CTNNA3: variants seen among roughly 807,000 people sequenced by gnomAD.
The protein encoded by CTNNA3 is catenin alpha 3, also known as catenin alpha-3.
In CTNNA3, 76 loss-of-function variants were observed where a neutral mutation model predicts 95.7. The observed-to-expected ratio is 0.79, with a 90% confidence interval of 0.66 to 0.96. The LOEUF (loss-of-function observed/expected upper bound fraction) is 0.96. Ranked by LOEUF, CTNNA3 falls within the 40% of genes least tolerant of loss-of-function variation. CTNNA3 has a pLI of 0.00. For missense variants in CTNNA3, 1,191 were observed against 1,089.8 expected, an observed-to-expected ratio of 1.09 and a Z score of -1.31; for synonymous variants, 431 against 374.4, an observed-to-expected ratio of 1.15 and a Z score of -1.74.
Position 66,748,167 on chromosome 10 carries a change from T to G in CTNNA3, c.1281+18097A>C, listed in dbSNP as rs561508465. On this transcript the variant is annotated intron_variant, in intron 9 of 17. Coordinates refer to ENST00000433211, the MANE Select transcript of CTNNA3 (RefSeq NM_013266.4). ...AAAGGGGCTTTGGAAATTGAAAAAGTTTGATTACAAAAAACGTTCGAATCT... is the reference window on the plus strand; with the variant it reads ...AAAGGGGCTTTGGAAATTGAAAAAGGTTGATTACAAAAAACGTTCGAATCT... 2.6e-4 allele frequency among the ~76,000 whole-genome samples: 40 copies of G among 152,276 alleles called. 1 individual carries two copies. The highest frequency in any genetic ancestry group is 9.6e-4 in the African/African-American group (40 of 41,554).
intron 5 of CTNNA3, among the ~76,000 whole-genome samples, chr10:67,419,244 A>C (rs1269541707): frequency 6.6e-6 from 1 of 152,238 alleles, no homozygotes; most frequent in East Asian, 1.9e-4. Context: ...ACATTTAATA[A>C]AATAAATCTT....
intron 1 of CTNNA3, among the ~76,000 whole-genome samples, chr10:67,757,379 T>C (rs1464944504): frequency 6.6e-6 from 1 of 152,180 alleles, no homozygotes; most frequent in African/African-American, 2.4e-5. Context: ...TTGATTGGAT[T>C]GAAGGATGCA....
At chr10:67,248,619 G>T (rs749761452) in intron 5 of CTNNA3, among the ~76,000 whole-genome samples, 22 of 151,944 alleles carry the variant, frequency 1.4e-4, no homozygotes, top group Admixed American at 3.9e-4. Context: ...GAGAGACGGG[G>T]TTTCACCATG....
intron 5 of CTNNA3, among the ~76,000 whole-genome samples, chr10:67,444,412 T>C (rs1244204805): frequency 6.6e-6 from 1 of 151,934 alleles, no homozygotes; most frequent in Non-Finnish European, 1.5e-5. Flanking sequence ...AGGAGGCAAG[T>C]TCATACCTAT....
At chr10:66,178,436 T>TAC (rs2085852178) in intron 13 of CTNNA3, among the ~76,000 whole-genome samples, 1 of 95,140 alleles carries the variant, frequency 1.1e-5, no homozygotes, top group Non-Finnish European at 2.1e-5. Context: ...TATATATATA[T>TAC]ATATATACAC....
intron 17 of CTNNA3, among the ~76,000 whole-genome samples, chr10:65,933,535 A>G (rs1206810933): frequency 1.3e-5 from 2 of 152,298 alleles, no homozygotes; most frequent in South Asian, 2.1e-4. Context: ...GTGAATGTGC[A>G]TCATAGCAAA....
chr10:67,581,571 C>G (rs975808624), intron 3 of CTNNA3, among the ~76,000 whole-genome samples: 5 of 152,170 alleles, frequency 3.3e-5, no homozygotes, highest in Non-Finnish European at 7.4e-5. Context: ...ATGCTGGCCT[C>G]ATAAAATGAG....
intron 16 of CTNNA3, among the ~76,000 whole-genome samples, chr10:65,969,285 C>T (rs1229252311): frequency 1.3e-5 from 2 of 152,138 alleles, no homozygotes; most frequent in Non-Finnish European, 2.9e-5. Context: ...AAAATTATAT[C>T]TGCACAAATA....
intron 10 of CTNNA3, among the ~76,000 whole-genome samples, chr10:66,559,713 G>T (rs573010277): frequency 6.6e-6 from 1 of 151,980 alleles, no homozygotes; most frequent in East Asian, 1.9e-4. Context: ...CATTTACTGG[G>T]TTAGCATGTA....
At chr10:66,302,486 CT>C (rs976426980) in intron 12 of CTNNA3, among the ~76,000 whole-genome samples, 1 of 152,014 alleles carries the variant, frequency 6.6e-6, no homozygotes, top group African/African-American at 2.4e-5. Context: ...GTAAAAGAAA[CT>C]GTGAAAAGTT....
Position 66,086,828 on chromosome 10 carries a change from C to T in CTNNA3, c.1977+16329G>A, listed in dbSNP as rs781061411. ...AGTCACAAGTGATGTGAGAGGTGTG[C>T]GCTACTGGTGATAGAGTAGTAAGAA... On this transcript the variant is annotated intron_variant, in intron 14 of 17. Coordinates refer to ENST00000433211, the MANE Select transcript of CTNNA3 (RefSeq NM_013266.4). Among the ~76,000 whole-genome samples, 8 of 151,972 alleles carry T rather than the reference C, an allele frequency of 5.3e-5. No individual in the cohort carries two copies. In the East Asian group the frequency reaches 7.7e-4, roughly 15 times the overall value.
chr10:67,072,292 A>T (rs1439348209), intron 7 of CTNNA3, among the ~76,000 whole-genome samples: 1 of 152,058 alleles, frequency 6.6e-6, no homozygotes, highest in East Asian at 1.9e-4. Flanking sequence ...TCTCCAATCG[A>T]ATTTTCTTTT....
chr10:66,586,103 G>C (rs1424092306), intron 10 of CTNNA3, among the ~76,000 whole-genome samples: 2 of 152,062 alleles, frequency 1.3e-5, no homozygotes, highest in Non-Finnish European at 2.9e-5. Flanking sequence ...AGTGGGCTGG[G>C]TGTGTGAGTA....
chr10:66,613,973 T>C (rs1219231137), intron 10 of CTNNA3, among the ~76,000 whole-genome samples: 1 of 152,066 alleles, frequency 6.6e-6, no homozygotes. Flanking sequence ...GTGCTTTCAG[T>C]TCGCAGATAT....
At chr10:67,414,135 A>G (rs1845467752) in intron 5 of CTNNA3, among the ~76,000 whole-genome samples, 1 of 152,114 alleles carries the variant, frequency 6.6e-6, no homozygotes, top group Non-Finnish European at 1.5e-5. Flanking sequence ...CAAAAGACCA[A>G]TGAAACCAAG....
chr10:66,196,438 C>A (rs2131898686), intron 13 of CTNNA3, among the ~76,000 whole-genome samples: 1 of 152,290 alleles, frequency 6.6e-6, no homozygotes, highest in Admixed American at 6.5e-5. Context: ...GGTTGCTTGG[C>A]CATAGAGGAC....
At chr10:66,190,328 T>C (rs2086601034) in intron 13 of CTNNA3, among the ~76,000 whole-genome samples, 1 of 152,118 alleles carries the variant, frequency 6.6e-6, no homozygotes, top group South Asian at 2.1e-4. Context: ...GAATTCTTCA[T>C]CCAGGGGAAC....
chr10:66,516,062 TG>T (rs564243427), intron 11 of CTNNA3, among the ~76,000 whole-genome samples: 6,219 of 24,896 alleles, frequency 0.25, 236 homozygotes, highest in Middle Eastern at 0.33. Context: ...ATTAATTATC[TG>T]GAAAAAAAAA....
intron 7 of CTNNA3, chr10:66,926,966 T>G: frequency 1.2e-6 from 2 of 1,613,922 alleles, no homozygotes; most frequent in Non-Finnish European, 1.7e-6. Flanking sequence ...GTAGCACTGG[T>G]TATAGCCCCC....
Sources: allele counts gnomAD v4.1 joint callset (sites outside exome capture counted in the v4.1 genomes callset), GRCh38; gene constraint gnomAD v4.1.1; transcripts MANE v1.5; gene names NCBI Gene and HGNC (gene_info 2026-07-23, HGNC 2026-07-21).